Variants in GSTCD observed in about 807,000 individuals in gnomAD.
The protein encoded by GSTCD is glutathione S-transferase C-terminal domain containing, also known as glutathione S-transferase C-terminal domain-containing protein.
A neutral mutation model predicts 68.3 loss-of-function variants in GSTCD; 44 were observed. That is an observed-to-expected ratio of 0.64 (90% CI 0.51 to 0.83). The LOEUF (loss-of-function observed/expected upper bound fraction) is 0.83. Among genes scored for constraint, GSTCD ranks in the 40% least tolerant of loss-of-function variants. GSTCD has a pLI of 0.00. For missense variants in GSTCD, 739 were observed against 735.9 expected (o/e 1.00, Z -0.05); for synonymous variants, 273 against 255.2 (o/e 1.07, Z -0.67).
chr4:105,779,779 A>T (rs1244091294), intron 5 of GSTCD, among the ~76,000 whole-genome samples: 1 of 152,214 alleles, frequency 6.6e-6, no homozygotes, highest in Non-Finnish European at 1.5e-5. Context: ...AAATTTTGCC[A>T]CCCAAATCTG....
chr4:105,799,436 G>A (rs1736021526), intron 5 of GSTCD, among the ~76,000 whole-genome samples: 1 of 152,146 alleles, frequency 6.6e-6, no homozygotes, highest in African/African-American at 2.4e-5. Flanking sequence ...GATTTAAAGT[G>A]AGAGACATGT....
intron 8 of GSTCD, among the ~76,000 whole-genome samples, chr4:105,833,359 A>T (rs1470945927): frequency 6.6e-6 from 1 of 151,984 alleles, no homozygotes; most frequent in Non-Finnish European, 1.5e-5. Flanking sequence ...GCTACTCGGG[A>T]GGCTGAGGCA....
chr4:105,825,100 ATTGGTTGGTTGGTTGGTTGG>A (rs35367925), intron 7 of GSTCD, among the ~76,000 whole-genome samples: 1 of 149,698 alleles, frequency 6.7e-6, no homozygotes, highest in African/African-American at 2.5e-5. Context: ...TGGTTGGTTG[ATTGGTTGGTTGGTTGGTTGG>A]TTGGTTGGTT....
chr4:105,721,689 C>CTA (rs1732862467), intron 3 of GSTCD, among the ~76,000 whole-genome samples: 6 of 151,634 alleles, frequency 4.0e-5, no homozygotes, highest in Admixed American at 3.9e-4. Context: ...CATGGAAATG[C>CTA]TAAGGTATTA....
intron 5 of GSTCD, chr4:105,815,010 T>C (rs1432709784): frequency 1.3e-5 from 2 of 152,254 alleles, no homozygotes; most frequent in Admixed American, 1.3e-4. Flanking sequence ...GTTATTGTCA[T>C]AGTATTGAGC....
intron 5 of GSTCD, among the ~76,000 whole-genome samples, chr4:105,814,577 A>T (rs1323542276): frequency 1.3e-5 from 2 of 152,030 alleles, no homozygotes; most frequent in African/African-American, 4.8e-5. Flanking sequence ...GTGCCATTAC[A>T]CTCCAGCCTG....
intron 5 of GSTCD, among the ~76,000 whole-genome samples, chr4:105,794,839 T>TATTTATCTATC (rs1735814275): frequency 2.6e-5 from 3 of 114,484 alleles, no homozygotes; most frequent in Admixed American, 8.1e-5. Context: ...ATCTATCTAT[T>TATTTATCTATC]TATCTATCTA....
At chr4:105,824,528 A>G (rs1352016781) in intron 7 of GSTCD, among the ~76,000 whole-genome samples, 1 of 152,184 alleles carries the variant, frequency 6.6e-6, no homozygotes, top group Non-Finnish European at 1.5e-5. Flanking sequence ...TCTTACAGAC[A>G]AGCATAAGAA....
At chr4:105,735,119 C>T (rs184866658) in intron 5 of GSTCD, among the ~76,000 whole-genome samples, 146 of 152,296 alleles carry the variant, frequency 9.6e-4, no homozygotes, top group Non-Finnish European at 1.4e-3. Flanking sequence ...TTAGGCTACT[C>T]GGGGGGTCAG....
At chr4:105,772,267 C>T (rs145060843) in intron 5 of GSTCD, among the ~76,000 whole-genome samples, 268 of 152,300 alleles carry the variant, frequency 1.8e-3, no homozygotes, top group African/African-American at 6.1e-3. Context: ...GGGGCTAAGA[C>T]AATGGGGTTT....
intron 3 of GSTCD, among the ~76,000 whole-genome samples, chr4:105,725,500 A>G (rs1733001611): frequency 6.6e-6 from 1 of 152,036 alleles, no homozygotes; most frequent in Non-Finnish European, 1.5e-5. Context: ...CATCATTTGG[A>G]GTTGTCAGTG....
At chr4:105,750,194 T>C (rs185180104) in intron 5 of GSTCD, among the ~76,000 whole-genome samples, 247 of 152,228 alleles carry the variant, frequency 1.6e-3, no homozygotes, top group African/African-American at 5.4e-3. Context: ...CCGGGCGTGG[T>C]GGCTCACGCC....
At chr4:105,777,820 G>A (rs1476820261) in intron 5 of GSTCD, among the ~76,000 whole-genome samples, 1 of 151,946 alleles carries the variant, frequency 6.6e-6, no homozygotes, top group Non-Finnish European at 1.5e-5. Context: ...ACCATGCTTG[G>A]TTCATTGGTA....
Position 105,846,053 on chromosome 4 carries a change from T to G in GSTCD, c.*476T>G, listed in dbSNP as rs1396110369. On this transcript the variant is annotated 3_prime_UTR_variant, in exon 12 of 12. Transcript: ENST00000515279. The stretch of plus-strand genomic sequence containing the variant: ...TTTCTATCACTTTAAAAAAATCTAG[T>G]CAGGTAATTATAGTACAGTTATTTT... 6.3e-6 allele frequency: 1 copy of G among 158,316 alleles called. No homozygotes were observed. The highest frequency in any genetic ancestry group is 2.4e-5 in the African/African-American group (1 of 41,500). 9.8% of individuals were successfully genotyped at this position (158,316 alleles called of 1,614,324 possible).
chr4:105,842,260 G>C, intron 11 of GSTCD, 126 bp downstream of exon 11: 1 of 677,436 alleles, frequency 1.5e-6, no homozygotes, highest in Non-Finnish European at 2.6e-6. Flanking sequence ...AACTAAATAT[G>C]TTCTTCCCAA....
intron 5 of GSTCD, among the ~76,000 whole-genome samples, chr4:105,813,943 G>A (rs1010532445): frequency 1.3e-5 from 2 of 151,968 alleles, no homozygotes; most frequent in African/African-American, 4.8e-5. Flanking sequence ...CATCACTCTT[G>A]TTCTCCATTG....
chr4:105,832,692 C>A (rs563702052), intron 8 of GSTCD, among the ~76,000 whole-genome samples: 3 of 152,266 alleles, frequency 2.0e-5, no homozygotes, highest in African/African-American at 7.2e-5. Context: ...ATAATAAAGT[C>A]TTTCAGGGAT....
chr4:105,816,468 C>T (rs1021832964), intron 5 of GSTCD, among the ~76,000 whole-genome samples: 1 of 152,028 alleles, frequency 6.6e-6, no homozygotes, highest in Non-Finnish European at 1.5e-5. Context: ...CTTAGGAGAC[C>T]TCTAATGCCT....
chr4:105,772,936 C>T (rs1734912080), intron 5 of GSTCD, among the ~76,000 whole-genome samples: 1 of 152,108 alleles, frequency 6.6e-6, no homozygotes, highest in Non-Finnish European at 1.5e-5. Flanking sequence ...GGAATAGTAC[C>T]AGCTTCTCTT....
Sources: allele counts gnomAD v4.1 joint callset (sites outside exome capture counted in the v4.1 genomes callset), GRCh38; gene constraint gnomAD v4.1.1; transcripts MANE v1.5; gene names NCBI Gene and HGNC (gene_info 2026-07-23, HGNC 2026-07-21).